AKAP1: variants seen among roughly 807,000 people sequenced by gnomAD.
AKAP1 encodes the protein A-kinase anchoring protein 1, also known as A-kinase anchor protein 1, mitochondrial.
In AKAP1, 32 loss-of-function variants were observed where a neutral mutation model predicts 79.8. That is an observed-to-expected ratio of 0.40 (90% CI 0.30 to 0.54). The LOEUF (loss-of-function observed/expected upper bound fraction) is 0.54. Ranked by LOEUF, AKAP1 falls within the 20% of genes least tolerant of loss-of-function variation. The pLI is 0.47. For synonymous variants in AKAP1, 416 were observed against 466.7 expected, an observed-to-expected ratio of 0.89 and a Z score of 1.40; for missense variants, 961 against 1,138.9, an observed-to-expected ratio of 0.84 and a Z score of 2.25.
Position 57,116,128 on chromosome 17 carries a change from G to A in AKAP1, c.2299G>A (p.Ala767Thr), listed in dbSNP as rs914781524. 8 of 1,613,438 alleles carry A rather than the reference G, an allele frequency of 5.0e-6. No individual in the cohort carries two copies. Among genetic ancestry groups the A allele is most frequent in the African/African-American group, 1.3e-5 (1 of 75,052 alleles). ...CCCTGCAGTAACGGTCATCTGTGCC[G>A]CCCCTGGTGCGGACGGGGCCTGGTG... ...TPVEITVICA[A>T]PGADGAWWRA... The change falls in exon 7 of 11, where the codon GCC (alanine) becomes ACC (threonine). Residue 767 changes from alanine to threonine, a missense_variant. Ala to Thr is a moderately conservative substitution (Grantham distance 58). Transcript: ENST00000337714.
At chr17:57,115,789 A>G (rs1200960956) in intron 6 of AKAP1, among the ~76,000 whole-genome samples, 3 of 151,986 alleles carry the variant, frequency 2.0e-5, no homozygotes, top group Non-Finnish European at 2.9e-5. Context: ...TGCTATATTT[A>G]CTTGGTTTAT....
chr17:57,087,358 A>G (rs1055478951), intron 1 of AKAP1, among the ~76,000 whole-genome samples: 2 of 152,224 alleles, frequency 1.3e-5, no homozygotes, highest in African/African-American at 4.8e-5. Context: ...GCAGGGTGAC[A>G]GTGGAGGTGT....
rs1170190519 is a variant in AKAP1 at position 57,098,760 on chromosome 17, A to ATT, written c.-24-6663_-24-6662dup. Among the ~76,000 whole-genome samples the ATT allele has an allele frequency of 4.9e-3, 604 of 122,856 alleles. 15 individuals are homozygous for ATT. The highest frequency in any genetic ancestry group is 0.029 in the East Asian group (121 of 4,164). The allele number at this position is 122,856 out of a possible 152,430, so 80.6% of individuals were successfully genotyped here. ...GGGTGAGGGAGTGAGGGGCTAGCTG[A>ATT]TTTTTTTTTTTTTTTTTTTGAGACG... On this transcript the variant is annotated intron_variant, in intron 1 of 10. Coordinates refer to ENST00000337714, the MANE Select transcript of AKAP1 (RefSeq NM_003488.4).
At chr17:57,108,874 C>A (rs1206773620) in intron 2 of AKAP1, among the ~76,000 whole-genome samples, 11 of 152,192 alleles carry the variant, frequency 7.2e-5, no homozygotes, top group Non-Finnish European at 7.4e-5. Flanking sequence ...AGGCTGGATA[C>A]TGTGAGTGAG....
chr17:57,092,838 T>C (rs1009738728), intron 1 of AKAP1: 1 of 152,300 alleles, frequency 6.6e-6, no homozygotes, highest in African/African-American at 2.4e-5. Flanking sequence ...GCCCTTTTTC[T>C]GAGAGCCATG....
rs34535433 is a variant in AKAP1 at position 57,106,452 on chromosome 17, A to C, written c.988A>C (p.Ser330Arg). The C allele has an allele frequency of 6.9e-6, 10 of 1,442,164 alleles. No individual in the cohort carries two copies. In the East Asian group the frequency reaches 2.0e-4, roughly 29 times the overall value. The allele number at this position is 1,442,164 out of a possible 1,614,324, so 89.3% of individuals were successfully genotyped here. ...GGAGGGCTTGGATAGAAATGAGGAG[A>C]GCTTGGATAGAAATGAGGAGGGCTT... ...NEEGLDRNEESLDRNEEGLDR... is the reference protein window; with the variant it reads ...NEEGLDRNEERLDRNEEGLDR... Residue 330 changes from serine to arginine, a missense_variant, in exon 2 of 11, where the codon AGC becomes CGC. This residue lies in a region of AKAP1 where 629 missense variants were observed against 781.1 expected (regional missense o/e 0.81). Coordinates refer to ENST00000337714, the MANE Select transcript of AKAP1 (RefSeq NM_003488.4).
intron 1 of AKAP1, chr17:57,091,999 C>T (rs1326922914): frequency 3.3e-5 from 5 of 152,224 alleles, no homozygotes. Context: ...GGCCCCATAA[C>T]TTCATTTTTG....
At chr17:57,119,727 CA>C (rs1350175704) in intron 10 of AKAP1, among the ~76,000 whole-genome samples, 2 of 149,242 alleles carry the variant, frequency 1.3e-5, no homozygotes, top group Non-Finnish European at 3.0e-5. Context: ...AAAACAAAAA[CA>C]AAAACAAAAA....
intron 5 of AKAP1, among the ~76,000 whole-genome samples, chr17:57,113,183 C>G (rs1366561897): frequency 6.6e-6 from 1 of 152,214 alleles, no homozygotes; most frequent in Non-Finnish European, 1.5e-5. Flanking sequence ...GAGGGAAGAG[C>G]TGCTATCTCC....
chr17:57,105,968 T>C lies in AKAP1; in HGVS notation c.504T>C (p.Asp168=). The C allele has an allele frequency of 3.1e-6, 5 of 1,614,200 alleles. No homozygotes were observed. The highest frequency in any genetic ancestry group is 1.1e-5 in the South Asian group (1 of 91,088). Residue 168 remains aspartate (D), a synonymous_variant, in exon 2 of 11, where the codon GAT becomes GAC. Transcript: ENST00000337714. ...SSKSAEVCKQ[D]SPFSRVPRKV... ...AATCAGCTGAGGTGTGTAAGCAAGA[T>C]TCCCCCTTCAGCAGGGTGCCAAGGA...
chr17:57,112,437 G>T, intron 4 of AKAP1, 54 bp from the exon 5 acceptor site: 2 of 1,586,598 alleles, frequency 1.3e-6, no homozygotes, highest in Non-Finnish European at 1.7e-6. Context: ...TGTGAGTGTG[G>T]GTGTGAGTTT....
In AKAP1 at chr17:57,110,168, G is replaced by A. The variant is rs1915151117; in HGVS notation, c.1848+10G>A. The A allele has an allele frequency of 6.2e-7, 1 of 1,613,346 alleles. No individual in the cohort carries two copies. The highest frequency in any genetic ancestry group is 1.3e-5 in the African/African-American group (1 of 74,920). On this transcript the variant is annotated intron_variant, in intron 3 of 10. Transcript: ENST00000337714. ...GATCGAGGTGCCAAAGGTAGGGGCG[G>A]AGTCCCCCAGGCTGGTTCTGTGGTA... is the stretch of plus-strand genomic sequence containing the variant.
chr17:57,101,287 C>T (rs532021786), intron 1 of AKAP1, among the ~76,000 whole-genome samples: 32 of 152,244 alleles, frequency 2.1e-4, no homozygotes, highest in Non-Finnish European at 4.1e-4. Context: ...CAACCTCCGC[C>T]TCCCTGGCTC....
In AKAP1 at chr17:57,119,358, CT is replaced by C. The variant is rs554372803; in HGVS notation, c.2637+315del. ...TGCGAGACTTTCTGGGACCTTCTGT[CT>C]GTTGAGTTTTTCTGTCCTCTATCTT... is the stretch of plus-strand genomic sequence containing the variant. On this transcript the variant is annotated intron_variant, in intron 10 of 10. Coordinates refer to ENST00000337714, the MANE Select transcript of AKAP1 (RefSeq NM_003488.4). Among the ~76,000 whole-genome samples, 213 of 152,294 alleles carry C rather than the reference CT, an allele frequency of 1.4e-3. 1 individual carries two copies. In the South Asian group the frequency reaches 0.016, roughly 11 times the overall value.
chr17:57,102,929 A>C (rs941328157), intron 1 of AKAP1, among the ~76,000 whole-genome samples: 1 of 152,078 alleles, frequency 6.6e-6, no homozygotes, highest in African/African-American at 2.4e-5. Flanking sequence ...AAAATACAAA[A>C]ATTAGCCAAG....
intron 10 of AKAP1, 54 bp from the exon 11 acceptor site, chr17:57,120,196 G>C: frequency 6.5e-7 from 1 of 1,547,662 alleles, no homozygotes; most frequent in East Asian, 2.2e-5. Context: ...GTTGGCTAGG[G>C]AGATGGCCCC....
chr17:57,119,830 C>CCTTTTTTTTTTTTTTTTTTTT (rs558630533), intron 10 of AKAP1, among the ~76,000 whole-genome samples: 1 of 70,290 alleles, frequency 1.4e-5, no homozygotes, highest in Non-Finnish European at 2.5e-5. Flanking sequence ...CCCTGTTACT[C>CCTTTTTTTTTTTTTTTTTTTT]TTTTTTTTTT....
chr17:57,087,315 T>C (rs551494256), intron 1 of AKAP1, among the ~76,000 whole-genome samples: 2 of 152,346 alleles, frequency 1.3e-5, no homozygotes, highest in Admixed American at 1.3e-4. Context: ...ATCTCCCAGT[T>C]GTTTCTAGGA....
At position 57,116,016 on chromosome 17, in the gene AKAP1, T is replaced by C; in HGVS notation, c.2282-95T>C. The C allele has an allele frequency of 2.7e-6, 4 of 1,459,562 alleles. No homozygotes were observed. The East Asian group carries it at 9.4e-5, about 34-fold the overall frequency. 90.4% of individuals were successfully genotyped at this position (1,459,562 alleles called of 1,614,324 possible). On this transcript the variant is annotated intron_variant, in intron 6 of 10. Transcript: ENST00000337714. ...CTGCACTGTGGAGGTTGCAGGCCTCTGAGAGGTAACGCAGGGAGGTGGGTA... is the reference window on the plus strand; with the variant it reads ...CTGCACTGTGGAGGTTGCAGGCCTCCGAGAGGTAACGCAGGGAGGTGGGTA...
Sources: gnomAD v4.1 joint callset for allele counts (sites outside exome capture counted in the v4.1 genomes callset) on GRCh38, gnomAD v4.1.1 for gene constraint, gnomAD v4.1.1 regional missense constraint, MANE v1.5 for transcripts, NCBI Gene and HGNC (gene_info 2026-07-23, HGNC 2026-07-21) for gene names.